The following RAB4B variants were observed in gnomAD, a reference collection of about 807,000 sequenced individuals.
RAB4B encodes RAB4B, member RAS oncogene family, also known as ras-related protein Rab-4B.
RAB4B carries 15 observed loss-of-function variants against 28.3 expected under a neutral mutation model. The observed-to-expected ratio is 0.53, with a 90% CI of 0.35 to 0.82. RAB4B has a LOEUF of 0.82. Among genes scored for constraint, RAB4B ranks in the 40% least tolerant of loss-of-function variants. RAB4B has a pLI of 0.01. For synonymous variants in RAB4B, 108 were observed against 116.3 expected, an observed-to-expected ratio of 0.93 and a Z score of 0.46; for missense variants, 244 against 288.5, an observed-to-expected ratio of 0.85 and a Z score of 1.12.
chr19:40,793,818 G>A (rs2145066260), intron 7 of RAB4B, among the ~76,000 whole-genome samples: 1 of 150,250 alleles, frequency 6.7e-6, no homozygotes, highest in East Asian at 2.0e-4. Context: ...CAGCTACTCA[G>A]GGGGCTGAGG....
intron 5 of RAB4B, among the ~76,000 whole-genome samples, chr19:40,784,688 T>C (rs959142838): frequency 6.6e-6 from 1 of 152,166 alleles, no homozygotes; most frequent in South Asian, 2.1e-4. Context: ...AGATTAATGT[T>C]GGCCGCTAAG....
intron 3 of RAB4B, among the ~76,000 whole-genome samples, chr19:40,780,737 G>A (rs528249172): frequency 9.9e-5 from 15 of 152,120 alleles, no homozygotes; most frequent in Middle Eastern, 3.4e-3. Context: ...GGTAATCCCC[G>A]TGCTTTGGGA....
intron 7 of RAB4B, among the ~76,000 whole-genome samples, chr19:40,788,537 A>G (rs1179262452): frequency 6.7e-6 from 1 of 149,142 alleles, no homozygotes; most frequent in Admixed American, 6.7e-5. Context: ...GGTAAGAACT[A>G]TGGGGAAAAA....
chr19:40,778,309 G>A lies in RAB4B; in HGVS notation c.-67G>A. ...CCGGGGCTGTAGCCGGAGTGGAGCG[G>A]CTGCCAGCCGAGGAGCAGGCGCGGC... On this transcript the variant is annotated 5_prime_UTR_variant, in exon 1 of 8. Coordinates refer to ENST00000357052, the MANE Select transcript of RAB4B (RefSeq NM_016154.5). 6.9e-7 allele frequency: 1 copy of A among 1,457,826 alleles called. No individual in the cohort carries two copies. Among genetic ancestry groups the A allele is most frequent in the Non-Finnish European group, 9.1e-7 (1 of 1,100,716 alleles). The allele number at this position is 1,457,826 out of a possible 1,614,324, so 90.3% of individuals were successfully genotyped here. A position where few individuals can be genotyped will look rare whatever the true frequency, so the allele number is the denominator to read the frequency against.
At chr19:40,787,743 C>T (rs2083115137) in intron 7 of RAB4B, among the ~76,000 whole-genome samples, 1 of 151,132 alleles carries the variant, frequency 6.6e-6, no homozygotes, top group South Asian at 2.1e-4. Flanking sequence ...GGGGGGTATA[C>T]ATAAGGTCAG....
At chr19:40,779,254 A>C (rs2083024817) in intron 1 of RAB4B, 1 of 154,286 alleles carries the variant, frequency 6.5e-6, no homozygotes, top group African/African-American at 2.4e-5. Context: ...TTTGAATCTC[A>C]CTTCTGCCCA....
intron 5 of RAB4B, chr19:40,786,375 T>C (rs1373849372): frequency 1.5e-5 from 6 of 395,472 alleles, no homozygotes; most frequent in Non-Finnish European, 2.4e-5. Context: ...AGGGCCAGGA[T>C]AGGGGGCCAC....
At chr19:40,784,160 C>G in intron 5 of RAB4B, 85 bp downstream of exon 5, 2 of 1,460,866 alleles carry the variant, frequency 1.4e-6, no homozygotes, top group Non-Finnish European at 9.2e-7. Flanking sequence ...GTGGCTGTAC[C>G]CAGCAGGGGA....
intron 3 of RAB4B, among the ~76,000 whole-genome samples, chr19:40,781,112 T>TAAAAAAAAA (rs941942424): frequency 3.9e-5 from 3 of 76,646 alleles, no homozygotes; most frequent in Non-Finnish European, 5.2e-5. Flanking sequence ...GTGTCTCTAC[T>TAAAAAAAAA]AAAAAAAAAA....
Position 40,780,549 on chromosome 19 carries a change from A to C in RAB4B, c.212+50A>C, listed in dbSNP as rs774107530. 3 of 1,488,394 alleles carry C rather than the reference A, an allele frequency of 2.0e-6. No individual in the cohort carries two copies. The East Asian group carries it at 7.0e-5, about 35-fold the overall frequency. The allele number at this position is 1,488,394 out of a possible 1,614,324, so 92.2% of individuals were successfully genotyped here. ...TGATGGGGAGAGAGAGTGAGAAGGA[A>C]AGAGAGAGATGTGTGTGTAGAGTCA... On this transcript the variant is annotated intron_variant, in intron 3 of 7. Transcript: ENST00000357052.
intron 7 of RAB4B, among the ~76,000 whole-genome samples, chr19:40,791,929 G>A (rs1162573885): frequency 2.6e-5 from 4 of 152,130 alleles, no homozygotes; most frequent in African/African-American, 9.7e-5. Flanking sequence ...CACTGCACCC[G>A]GCCCCAAACT....
chr19:40,780,812 C>T (rs547934116), intron 3 of RAB4B, among the ~76,000 whole-genome samples: 1 of 151,584 alleles, frequency 6.6e-6, no homozygotes, highest in African/African-American at 2.4e-5. Flanking sequence ...ATAGTGAGAC[C>T]CCATCTCAAA....
At position 40,786,944 on chromosome 19, in the gene RAB4B, C is replaced by G. The variant is rs1415673287; in HGVS notation, c.623C>G (p.Pro208Arg). The G allele has an allele frequency of 1.2e-6, 2 of 1,613,808 alleles. No homozygotes were observed. Among genetic ancestry groups the G allele is most frequent in the Non-Finnish European group, 8.5e-7 (1 of 1,179,924 alleles). ...CCTCGGAGTGCCCAGGCCGTGGCCC[C>G]TCAGCCGTGTGGCTGCTGAGCTCTG... ...RQPRSAQAVA[P>R]QPCGC is the part of the protein sequence containing the mutation. Residue 208 changes from proline (P) to arginine (R), a missense_variant, in exon 7 of 8, where the codon CCT becomes CGT. Physicochemically the swap from Pro to Arg is moderately radical, Grantham distance 103. Coordinates refer to ENST00000357052, the MANE Select transcript of RAB4B (RefSeq NM_016154.5).
rs766549736 is a variant in RAB4B at position 40,783,968 on chromosome 19, C to T, written c.323C>T (p.Thr108Ile). 7.4e-6 allele frequency: 12 copies of T among 1,614,008 alleles called. 1 individual carries two copies. In the South Asian group the frequency reaches 7.7e-5, roughly 10 times the overall value. ...SLAAWLTDAR[T>I]LASPNIVVIL... ...GCTGCCTGGCTGACGGATGCCCGCA[C>T]CCTGGCCAGCCCCAACATCGTGGTC... Residue 108 changes from threonine (T) to isoleucine (I), a missense_variant, in exon 5 of 8, where the codon ACC becomes ATC. Thr to Ile is a moderately conservative substitution (Grantham distance 89, BLOSUM62 -1). Transcript: ENST00000357052.
intron 7 of RAB4B, among the ~76,000 whole-genome samples, chr19:40,790,490 C>A (rs924249784): frequency 1.3e-5 from 2 of 150,906 alleles, no homozygotes; most frequent in African/African-American, 4.9e-5. Flanking sequence ...CCTGCCTCAG[C>A]CTCCTGAGTA....
chr19:40,782,171 G>A (rs563667752), intron 3 of RAB4B, among the ~76,000 whole-genome samples: 27 of 152,292 alleles, frequency 1.8e-4, no homozygotes, highest in African/African-American at 5.1e-4. Context: ...TGCCTGAGGT[G>A]CACAGAGCCC....
At chr19:40,796,293 G>T (rs1264302362) in intron 7 of RAB4B, 1 of 152,290 alleles carries the variant, frequency 6.6e-6, no homozygotes, top group Non-Finnish European at 1.5e-5. Context: ...GAGCCACTGC[G>T]TCCATCCAGA....
chr19:40,778,358 A>G lies in RAB4B; in HGVS notation c.-18A>G, dbSNP rs372997593. On this transcript the variant is annotated 5_prime_UTR_variant, in exon 1 of 8. Coordinates refer to ENST00000357052, the MANE Select transcript of RAB4B (RefSeq NM_016154.5). ...GCCGCGGCGCCATATTGCGGCCCTC[A>G]GCGGCCGCGACCGAGTCATGGCTGA... is the stretch of plus-strand genomic sequence containing the variant. The G allele has an allele frequency of 6.1e-6, 9 of 1,482,538 alleles. No individual in the cohort carries two copies. The highest frequency in any genetic ancestry group is 8.0e-6 in the Non-Finnish European group (9 of 1,125,010). The allele number at this position is 1,482,538 out of a possible 1,614,324, so 91.8% of individuals were successfully genotyped here.
intron 5 of RAB4B, 76 bp downstream of exon 5, chr19:40,784,151 T>G: frequency 2.7e-6 from 4 of 1,485,266 alleles, no homozygotes; most frequent in Non-Finnish European, 3.6e-6. Flanking sequence ...TGGCTCTCAG[T>G]GGCTGTACCC....
Sources: allele counts gnomAD v4.1 joint callset (sites outside exome capture counted in the v4.1 genomes callset), GRCh38; gene constraint gnomAD v4.1.1; transcripts MANE v1.5; gene names NCBI Gene and HGNC (gene_info 2026-07-23, HGNC 2026-07-21).